HS6ST3: variants seen among roughly 807,000 people sequenced by gnomAD.
HS6ST3 encodes the protein heparan-sulfate 6-O-sulfotransferase 3.
Under a neutral mutation model 36.7 loss-of-function variants are expected in HS6ST3, and 12 were observed. That is an observed-to-expected ratio of 0.33 (90% CI 0.21 to 0.53). HS6ST3 has a LOEUF of 0.53. Among genes scored for constraint, HS6ST3 ranks in the 20% least tolerant of loss-of-function variants. The pLI, the probability that HS6ST3 is intolerant of heterozygous loss-of-function variation, is 0.95. For synonymous variants in HS6ST3, 240 were observed against 257.5 expected (o/e 0.93, Z 0.65); for missense variants, 584 against 640.9 (o/e 0.91, Z 0.96).
chr13:96,563,976 T>C (rs1346129323), intron 1 of HS6ST3, among the ~76,000 whole-genome samples: 1 of 152,192 alleles, frequency 6.6e-6, no homozygotes, highest in Non-Finnish European at 1.5e-5. Context: ...GGAAATAATA[T>C]AATTGGTCAT....
chr13:96,431,731 T>C (rs187814669), intron 1 of HS6ST3, among the ~76,000 whole-genome samples: 1 of 152,206 alleles, frequency 6.6e-6, no homozygotes, highest in East Asian at 1.9e-4. Flanking sequence ...GAACAAGCGA[T>C]GGTTGGCAAT....
chr13:96,816,362 G>A (rs1175752388), intron 1 of HS6ST3, among the ~76,000 whole-genome samples: 1 of 152,224 alleles, frequency 6.6e-6, no homozygotes, highest in Non-Finnish European at 1.5e-5. Flanking sequence ...TAAGCCAAAA[G>A]TCTATGCAGT....
chr13:96,576,039 A>G (rs1470354359), intron 1 of HS6ST3, among the ~76,000 whole-genome samples: 1 of 152,224 alleles, frequency 6.6e-6, no homozygotes, highest in Non-Finnish European at 1.5e-5. Context: ...AAATGGGCAG[A>G]TATTCAAGTC....
At chr13:96,217,774 A>G (rs2054434333) in intron 1 of HS6ST3, among the ~76,000 whole-genome samples, 1 of 152,164 alleles carries the variant, frequency 6.6e-6, no homozygotes, top group African/African-American at 2.4e-5. Context: ...CTATGTATGT[A>G]TATAGGTGTG....
chr13:96,583,449 T>C (rs891975998), intron 1 of HS6ST3, among the ~76,000 whole-genome samples: 1 of 151,874 alleles, frequency 6.6e-6, no homozygotes, highest in African/African-American at 2.4e-5. Flanking sequence ...CCTGACCTCA[T>C]GATCCGCCCA....
At chr13:96,656,736 A>G (rs2056626257) in intron 1 of HS6ST3, among the ~76,000 whole-genome samples, 1 of 152,066 alleles carries the variant, frequency 6.6e-6, no homozygotes, top group African/African-American at 2.4e-5. Flanking sequence ...TCCTTCAATG[A>G]ATTGGCTATT....
intron 1 of HS6ST3, among the ~76,000 whole-genome samples, chr13:96,397,584 A>T (rs1243103417): frequency 1.3e-5 from 2 of 152,004 alleles, no homozygotes; most frequent in Non-Finnish European, 2.9e-5. Context: ...TGGAATATTT[A>T]TTTTTTTTCT....
chr13:96,305,067 C>G (rs548524426), intron 1 of HS6ST3, among the ~76,000 whole-genome samples: 1 of 152,132 alleles, frequency 6.6e-6, no homozygotes, highest in African/African-American at 2.4e-5. Flanking sequence ...ATTTATTCAT[C>G]AAGAGATCAC....
At chr13:96,343,888 G>A (rs145756794) in intron 1 of HS6ST3, among the ~76,000 whole-genome samples, 8 of 152,114 alleles carry the variant, frequency 5.3e-5, no homozygotes, top group African/African-American at 1.9e-4. Flanking sequence ...GATTATAGGC[G>A]CGTGCCACTA....
chr13:96,596,674 A>G (rs149656945), intron 1 of HS6ST3, among the ~76,000 whole-genome samples: 1 of 152,282 alleles, frequency 6.6e-6, no homozygotes, highest in East Asian at 1.9e-4. Flanking sequence ...TTAAAAAGTC[A>G]AAAAAGAACA....
At chr13:96,587,600 A>G (rs932460184) in intron 1 of HS6ST3, among the ~76,000 whole-genome samples, 4 of 152,222 alleles carry the variant, frequency 2.6e-5, no homozygotes, top group Non-Finnish European at 5.9e-5. Flanking sequence ...GCATGCCAAG[A>G]TGAGACCAAA....
At chr13:96,603,624 A>G (rs2056429118) in intron 1 of HS6ST3, among the ~76,000 whole-genome samples, 1 of 152,192 alleles carries the variant, frequency 6.6e-6, no homozygotes, top group Admixed American at 6.5e-5. Flanking sequence ...TTTAGTTGCA[A>G]TAGATTCTGC....
intron 1 of HS6ST3, among the ~76,000 whole-genome samples, chr13:96,254,338 C>A (rs769078602): frequency 1.6e-4 from 23 of 140,088 alleles, no homozygotes; most frequent in Non-Finnish European, 3.3e-4. Flanking sequence ...TGCTTGAACC[C>A]GGGAGGCAGA....
chr13:96,169,832 G>A, intron 1 of HS6ST3: 1 of 152,354 alleles, frequency 6.6e-6, no homozygotes, highest in Non-Finnish European at 1.5e-5. Context: ...GGACAACATA[G>A]CAAGACCCCG....
At chr13:96,742,012 A>G (rs919359090) in intron 1 of HS6ST3, among the ~76,000 whole-genome samples, 1 of 152,180 alleles carries the variant, frequency 6.6e-6, no homozygotes, top group Non-Finnish European at 1.5e-5. Context: ...TGCAAGCCAG[A>G]TTAGGCTTTG....
intron 1 of HS6ST3, among the ~76,000 whole-genome samples, chr13:96,216,837 G>A (rs2054428507): frequency 1.3e-5 from 2 of 152,128 alleles, no homozygotes. Flanking sequence ...ACAGGTTACA[G>A]TTTTCAAAGG....
chr13:96,666,208 A>G (rs992245801), intron 1 of HS6ST3, among the ~76,000 whole-genome samples: 1 of 152,168 alleles, frequency 6.6e-6, no homozygotes, highest in Non-Finnish European at 1.5e-5. Flanking sequence ...AGATCTCATG[A>G]GAACTCACTC....
chr13:96,671,716 A>AT (rs1218202802), intron 1 of HS6ST3, among the ~76,000 whole-genome samples: 1 of 151,790 alleles, frequency 6.6e-6, no homozygotes, highest in African/African-American at 2.4e-5. Context: ...TCCCCCTTTT[A>AT]TAAGGACACT....
chr13:96,584,517 T>G (rs2056353750), intron 1 of HS6ST3, among the ~76,000 whole-genome samples: 1 of 152,186 alleles, frequency 6.6e-6, no homozygotes, highest in Non-Finnish European at 1.5e-5. Context: ...TCTTCACCAG[T>G]CTATCCCAAT....
Sources: gnomAD v4.1 joint callset for allele counts (sites outside exome capture counted in the v4.1 genomes callset) on GRCh38, gnomAD v4.1.1 for gene constraint, MANE v1.5 for transcripts, NCBI Gene and HGNC (gene_info 2026-07-23, HGNC 2026-07-21) for gene names.